Variants in NIBAN3 observed in about 807,000 individuals in gnomAD.
NIBAN3 encodes niban apoptosis regulator 3.
A neutral mutation model predicts 76.4 loss-of-function variants in NIBAN3; 66 were observed. The ratio of observed to expected loss-of-function variants is 0.86; its 90% CI spans 0.71 to 1.06. NIBAN3 has a LOEUF of 1.06. NIBAN3 is among the 50% of genes least tolerant of loss of function. The pLI is 0.00. For synonymous variants in NIBAN3, 360 were observed against 355.2 expected, an observed-to-expected ratio of 1.01 and a Z score of -0.15; for missense variants, 808 against 810.7, an observed-to-expected ratio of 1.00 and a Z score of 0.04.
downstream of NIBAN3, among the ~76,000 whole-genome samples, chr19:17,554,083 A>C (rs536633914): frequency 6.6e-6 from 1 of 152,084 alleles, no homozygotes; most frequent in African/African-American, 2.4e-5. Context: ...CATATTGACC[A>C]AGCTGGTCTC....
At position 17,542,265 on chromosome 19, in the gene NIBAN3, G is replaced by A. The variant is rs191462652; in HGVS notation, c.1300G>A (p.Val434Met). 3.2e-5 allele frequency: 52 copies of A among 1,612,670 alleles called. No homozygotes were observed. In the East Asian group the frequency reaches 6.2e-4, roughly 19 times the overall value. ...TGGCTTTCTGGGGATGCAGAGCCTC[G>A]TGTTTGGGGCCCAAGATCTTGCACA... ...PFGFLGMQSL[V>M]FGAQDLAQQL... is the part of the protein sequence containing the mutation. Residue 434 changes from valine to methionine, a missense_variant, in exon 10 of 15, where the codon GTG (valine) becomes ATG (methionine). By Grantham distance (21) the Val-to-Met change is conservative. Transcript: ENST00000599164. This position sits in a 1 kb window ranked among gnomAD's most constrained non-coding sequence, Gnocchi z 4.8.
In NIBAN3 at chr19:17,539,710, C is replaced by T. The variant is rs1171874451; in HGVS notation, c.924C>T (p.Arg308=). The T allele has an allele frequency of 2.5e-5, 38 of 1,549,446 alleles. No homozygotes were observed. The highest frequency in any genetic ancestry group is 3.2e-5 in the Non-Finnish European group (37 of 1,148,452). The change falls in exon 8 of 15, where the codon CGC becomes CGT. Residue 308 remains arginine (R), a synonymous_variant. Transcript: ENST00000599164. ...TTGCGTCGCTGGAGAAGACGATCCG[C>T]CCGGACGTGGACCAGCTGCTGCGGC... The part of the protein sequence containing the change: ...ELLASLEKTI[R]PDVDQLLRQR...
intron 14 of NIBAN3, 136 bp from the exon 15 acceptor site, chr19:17,551,650 C>G: frequency 2.0e-6 from 1 of 502,528 alleles, no homozygotes; most frequent in Non-Finnish European, 3.6e-6. Flanking sequence ...CTTGGTCTCC[C>G]AGAGTGCTGG....
At chr19:17,545,154 CTATTTTATTTATTTTATTT>C (rs1460578575) in intron 12 of NIBAN3, 20 of 143,168 alleles carry the variant, frequency 1.4e-4, no homozygotes, top group African/African-American at 5.2e-4. Context: ...CAGAGAGAGA[CTATTTTATTTATTTTATTT>C]TATTTTATTT....
intron 4 of NIBAN3, among the ~76,000 whole-genome samples, chr19:17,534,109 G>A (rs1463145017): frequency 2.0e-5 from 3 of 152,088 alleles, no homozygotes; most frequent in Non-Finnish European, 4.4e-5. Flanking sequence ...AGGCTGAGGC[G>A]GGAGGATCGC....
chr19:17,553,122 G>GT lies in NIBAN3; in HGVS notation c.*1237dup, dbSNP rs377076462. 0.14 allele frequency: 90,035 copies of GT among 623,036 alleles called. 139 individuals carry two copies. Among genetic ancestry groups the GT allele is most frequent in the South Asian group, 0.18 (6,541 of 36,012 alleles). 38.6% of individuals were successfully genotyped at this position (623,036 alleles called of 1,614,324 possible). A position where few individuals can be genotyped will look rare whatever the true frequency, so the allele number is the denominator to read the frequency against. On this transcript the variant is annotated 3_prime_UTR_variant, in exon 15 of 15. Transcript: ENST00000599164. ...TTGATTAGCCATTTACATGTTTGTA[G>GT]TTTTTTTTTTTTTAATTTCAGTGAA...
Position 17,542,733 on chromosome 19 carries a change from G to A in NIBAN3, c.1329+439G>A, listed in dbSNP as rs1409268977. On this transcript the variant is annotated intron_variant, in intron 10 of 14. Coordinates refer to ENST00000599164, the MANE Select transcript of NIBAN3 (RefSeq NM_001321827.2). This position sits in a 1 kb window ranked among gnomAD's most constrained non-coding sequence, Gnocchi z 4.8. ...GGGGCTAAGGGGTGAGCTCTTTCCTGAGGGCAATGGGGAGCCAGAGCAGGT... is the reference window on the plus strand; with the variant it reads ...GGGGCTAAGGGGTGAGCTCTTTCCTAAGGGCAATGGGGAGCCAGAGCAGGT... 6.6e-6 allele frequency among the ~76,000 whole-genome samples: 1 copy of A among 152,160 alleles called. No homozygotes were observed. Among genetic ancestry groups the A allele is most frequent in the Admixed American group, 6.6e-5 (1 of 15,266 alleles).
Position 17,542,016 on chromosome 19 carries a change from C to A in NIBAN3, c.1171-120C>A. On this transcript the variant is annotated intron_variant, in intron 9 of 14. Coordinates refer to ENST00000599164, the MANE Select transcript of NIBAN3 (RefSeq NM_001321827.2). The surrounding 1 kb of genome is among the most constrained non-coding windows in gnomAD (Gnocchi z 4.8). ...ATTGTATTATGAGTTTCTTTGGTGACAGCTGAGACGGGATGTATTTTCATT... is the reference window on the plus strand; with the variant it reads ...ATTGTATTATGAGTTTCTTTGGTGAAAGCTGAGACGGGATGTATTTTCATT... The A allele has an allele frequency of 8.1e-7, 1 of 1,235,684 alleles. No homozygotes were observed. The highest frequency in any genetic ancestry group is 1.2e-6 in the Non-Finnish European group (1 of 858,328). 76.5% of individuals were successfully genotyped at this position (1,235,684 alleles called of 1,614,324 possible). A position where few individuals can be genotyped will look rare whatever the true frequency, so the allele number is the denominator to read the frequency against.
chr19:17,545,897 G>A (rs2076045358), intron 12 of NIBAN3: 1 of 420,498 alleles, frequency 2.4e-6, no homozygotes, highest in Non-Finnish European at 4.8e-6. Flanking sequence ...GAGGAGCAGA[G>A]TCTTCTCTAA....
At position 17,539,713 on chromosome 19, in the gene NIBAN3, G is replaced by C; in HGVS notation, c.927G>C (p.Pro309=). The C allele has an allele frequency of 3.2e-6, 5 of 1,548,192 alleles. No homozygotes were observed. The highest frequency in any genetic ancestry group is 4.4e-6 in the Non-Finnish European group (5 of 1,147,682). ...LLASLEKTIR[P]DVDQLLRQRA... ...CGTCGCTGGAGAAGACGATCCGCCC[G>C]GACGTGGACCAGCTGCTGCGGCAGC... Residue 309 remains proline, a synonymous_variant, in exon 8 of 15, where the codon CCG becomes CCC. Transcript: ENST00000599164.
intron 12 of NIBAN3, chr19:17,546,448 C>T: frequency 1.6e-6 from 1 of 611,132 alleles, no homozygotes; most frequent in African/African-American, 2.0e-5. Flanking sequence ...AACTCCTGAC[C>T]TCATGATCCG....
Position 17,553,386 on chromosome 19 carries a change from A to G in NIBAN3, c.*1488A>G. Reference sequence around the variant, plus strand: ...TTACCGACTTCCTCTGCTTGCCAGCAAAGTCATCTGCTAACTGGATATTGG... The same window carrying G: ...TTACCGACTTCCTCTGCTTGCCAGCGAAGTCATCTGCTAACTGGATATTGG... On this transcript the variant is annotated 3_prime_UTR_variant, in exon 15 of 15. Transcript: ENST00000599164. 1 of 1,614,168 alleles carries G rather than the reference A, an allele frequency of 6.2e-7. No homozygotes were observed. Among genetic ancestry groups the G allele is most frequent in the Non-Finnish European group, 8.5e-7 (1 of 1,180,042 alleles).
upstream of NIBAN3, among the ~76,000 whole-genome samples, chr19:17,525,522 C>T (rs1462859064): frequency 6.6e-6 from 1 of 152,134 alleles, no homozygotes; most frequent in African/African-American, 2.4e-5. Context: ...GGCACAGGGA[C>T]GGCTCTCCAA....
upstream of NIBAN3, chr19:17,527,088 A>AT (rs2075617972): frequency 2.0e-5 from 17 of 848,130 alleles, no homozygotes; most frequent in South Asian, 3.1e-4. Flanking sequence ...ACGAGCTATG[A>AT]TTTTCTTTCT....
chr19:17,531,664 G>A (rs144390017), intron 2 of NIBAN3, among the ~76,000 whole-genome samples: 3,884 of 152,244 alleles, frequency 0.026, 84 homozygotes, highest in South Asian at 0.046. Flanking sequence ...CTCCCGAGTA[G>A]CTGGGACCAC....
chr19:17,551,803 G>C lies in NIBAN3; in HGVS notation c.1768G>C (p.Glu590Gln), dbSNP rs745610877. ...TTATACAGATGAGGAAACTGAGGCTGAGCGGGAAGGAGGGGCTTGTCCCAG... is the reference window on the plus strand; with the variant it reads ...TTATACAGATGAGGAAACTGAGGCTCAGCGGGAAGGAGGGGCTTGTCCCAG... ...QEGADEETEA[E>Q]REGGACPRQP... Residue 590 changes from glutamate to glutamine, a missense_variant, in exon 15 of 15, where the codon GAG becomes CAG. Glu to Gln is a conservative substitution (Grantham distance 29). Coordinates refer to ENST00000599164, the MANE Select transcript of NIBAN3 (RefSeq NM_001321827.2). The C allele has an allele frequency of 3.5e-5, 27 of 779,944 alleles. No homozygotes were observed. Among genetic ancestry groups the C allele is most frequent in the Admixed American group, 1.0e-4 (6 of 58,990 alleles). The allele number at this position is 779,944 out of a possible 1,614,324, so 48.3% of individuals were successfully genotyped here. A position where few individuals can be genotyped will look rare whatever the true frequency, so the allele number is the denominator to read the frequency against.
At chr19:17,543,064 A>G (rs1292142532) in intron 10 of NIBAN3, among the ~76,000 whole-genome samples, 1 of 152,280 alleles carries the variant, frequency 6.6e-6, no homozygotes, top group East Asian at 1.9e-4. Flanking sequence ...CCTACTCCCC[A>G]TTCTGGGCAT....
intron 3 of NIBAN3, 85 bp downstream of exon 3, chr19:17,532,473 C>G: frequency 6.3e-7 from 1 of 1,585,228 alleles, no homozygotes. Context: ...ATCCATATCT[C>G]AGCATAGCCC....
At chr19:17,547,511 C>T (rs186666936) in intron 13 of NIBAN3, among the ~76,000 whole-genome samples, 2 of 146,418 alleles carry the variant, frequency 1.4e-5, no homozygotes, top group Non-Finnish European at 3.0e-5. Context: ...TGTGCCACCA[C>T]GCCCGGCTAA....
Sources: gnomAD v4.1 joint callset for allele counts (sites outside exome capture counted in the v4.1 genomes callset) on GRCh38, gnomAD v4.1.1 for gene constraint, Gnocchi (gnomAD v3.1) non-coding constraint, MANE v1.5 for transcripts, NCBI Gene and HGNC (gene_info 2026-07-23, HGNC 2026-07-21) for gene names.